CCDC169: variants seen among roughly 807,000 people sequenced by gnomAD.
CCDC169 encodes the protein coiled-coil domain-containing protein 169.
Under a neutral mutation model 36.0 loss-of-function variants are expected in CCDC169, and 30 were observed. That is an observed-to-expected ratio of 0.83 (90% CI 0.62 to 1.13). The LOEUF (loss-of-function observed/expected upper bound fraction) is 1.13. Ranked by LOEUF, CCDC169 falls within the 50% of genes most tolerant of loss-of-function variation. The probability of loss-of-function intolerance (pLI) is 0.00; values close to 1 mark genes in which losing one functional copy is unlikely to be tolerated. For missense variants in CCDC169, 245 were observed against 245.9 expected, an observed-to-expected ratio of 1.00 and a Z score of 0.03; for synonymous variants, 85 against 81.5, an observed-to-expected ratio of 1.04 and a Z score of -0.23.
intron 7 of CCDC169, among the ~76,000 whole-genome samples, chr13:36,245,488 C>CAG (rs34978164): frequency 0.4 from 61,345 of 151,564 alleles, 13,167 homozygotes; most frequent in Non-Finnish European, 0.48. Flanking sequence ...TTTGTAGAGA[C>CAG]AGTCTTGCCA....
intron 4 of CCDC169, among the ~76,000 whole-genome samples, chr13:36,269,270 T>G (rs1346052186): frequency 6.6e-6 from 1 of 152,238 alleles, no homozygotes; most frequent in East Asian, 1.9e-4. Context: ...TGAGATTGAA[T>G]CAGTAATTTA....
intron 2 of CCDC169, among the ~76,000 whole-genome samples, chr13:36,292,811 G>A (rs1040407851): frequency 1.3e-5 from 2 of 152,168 alleles, no homozygotes; most frequent in African/African-American, 4.8e-5. Flanking sequence ...AGTAGAGCAG[G>A]GAAAACAGAC....
At chr13:36,276,033 C>T (rs1258834115) in intron 4 of CCDC169, among the ~76,000 whole-genome samples, 1 of 152,156 alleles carries the variant, frequency 6.6e-6, no homozygotes, top group African/African-American at 2.4e-5. Context: ...TTTCTTCAGG[C>T]TTCTCTTGCT....
chr13:36,268,760 T>G (rs1259254100), intron 4 of CCDC169, among the ~76,000 whole-genome samples: 1 of 151,868 alleles, frequency 6.6e-6, no homozygotes, highest in East Asian at 1.9e-4. Flanking sequence ...CCAAATAAGC[T>G]CAATTAGAAA....
chr13:36,230,480 A>G (rs1453007736), downstream of CCDC169, among the ~76,000 whole-genome samples: 3 of 152,238 alleles, frequency 2.0e-5, no homozygotes, highest in Non-Finnish European at 4.4e-5. Flanking sequence ...GAATTAGTCC[A>G]TCACTATGAA....
downstream of CCDC169, among the ~76,000 whole-genome samples, chr13:36,230,461 T>A (rs75839052): frequency 6.3e-3 from 958 of 152,342 alleles, 5 homozygotes; most frequent in African/African-American, 0.022. Flanking sequence ...AATTGCAGTT[T>A]GGTCTAAAGA....
intron 4 of CCDC169, chr13:36,282,659 C>T: frequency 6.9e-6 from 3 of 432,792 alleles, no homozygotes; most frequent in Non-Finnish European, 9.2e-6. Context: ...ATATAATTCT[C>T]TGTCTCTGGA....
intron 2 of CCDC169, among the ~76,000 whole-genome samples, chr13:36,290,343 T>A (rs570907552): frequency 6.6e-6 from 1 of 152,374 alleles, no homozygotes; most frequent in East Asian, 1.9e-4. Context: ...AATGTTTAAA[T>A]TTAGTGCCTA....
chr13:36,297,788 C>T lies in CCDC169; in HGVS notation c.-69G>A, dbSNP rs1052333580. ...TAGAGCACAAGACATTAAGGGCCAC[C>T]CAGAAGCCAGTACGGCACGAGGCGG... On this transcript the variant is annotated 5_prime_UTR_variant, in exon 1 of 8. Transcript: ENST00000239859. 1.8e-5 allele frequency: 25 copies of T among 1,422,336 alleles called. No homozygotes were observed. In the African/African-American group the frequency reaches 3.5e-4, roughly 20 times the overall value. 88.1% of individuals were successfully genotyped at this position (1,422,336 alleles called of 1,614,324 possible). A position where few individuals can be genotyped will look rare whatever the true frequency, so the allele number is the denominator to read the frequency against.
At chr13:36,248,871 C>T (rs1181156120) in intron 6 of CCDC169, among the ~76,000 whole-genome samples, 189 bp from the exon 7 acceptor site, 1 of 150,518 alleles carries the variant, frequency 6.6e-6, no homozygotes, top group Non-Finnish European at 1.5e-5. Context: ...TCTGGAAATC[C>T]CCCTATCTCA....
intron 6 of CCDC169, among the ~76,000 whole-genome samples, chr13:36,249,503 G>A (rs555925561): frequency 8.5e-5 from 13 of 152,184 alleles, no homozygotes; most frequent in South Asian, 2.1e-4. Flanking sequence ...CATGATGGCG[G>A]GGTCACAAGA....
At chr13:36,257,539 C>T (rs996189612) in intron 4 of CCDC169, among the ~76,000 whole-genome samples, 1 of 152,114 alleles carries the variant, frequency 6.6e-6, no homozygotes, top group Non-Finnish European at 1.5e-5. Flanking sequence ...CCCGTCTGTA[C>T]TAAAAACACA....
chr13:36,256,956 A>C (rs1443442642), intron 4 of CCDC169, among the ~76,000 whole-genome samples: 1 of 152,186 alleles, frequency 6.6e-6, no homozygotes, highest in Admixed American at 6.5e-5. Flanking sequence ...CTGGGTAGGC[A>C]CTGTGTGGCA....
intron 7 of CCDC169, among the ~76,000 whole-genome samples, chr13:36,242,222 T>C (rs1594007147): frequency 6.6e-6 from 1 of 152,124 alleles, no homozygotes; most frequent in African/African-American, 2.4e-5. Context: ...ATACTCCTAC[T>C]AGCAATGTAT....
At chr13:36,267,619 CTG>C (rs986025154) in intron 4 of CCDC169, among the ~76,000 whole-genome samples, 13 of 152,130 alleles carry the variant, frequency 8.5e-5, no homozygotes, top group African/African-American at 3.1e-4. Flanking sequence ...AATATTAACA[CTG>C]AATGTAAATG....
At chr13:36,287,462 G>C (rs776636849) in intron 2 of CCDC169, among the ~76,000 whole-genome samples, 10 of 152,176 alleles carry the variant, frequency 6.6e-5, no homozygotes, top group Non-Finnish European at 1.3e-4. Flanking sequence ...GTAGGTCTGT[G>C]AGTTTGTAAT....
chr13:36,230,679 G>T, downstream of CCDC169: 1 of 771,572 alleles, frequency 1.3e-6, no homozygotes, highest in Non-Finnish European at 1.6e-6. Flanking sequence ...CTAAGTTCAT[G>T]GCAGAGTGGA....
At chr13:36,227,421 C>A, downstream of CCDC169, 3 of 1,467,572 alleles carry the variant, frequency 2.0e-6, no homozygotes, top group South Asian at 1.4e-5. Context: ...ATAAGGACAG[C>A]GAAGGTACAA....
chr13:36,286,903 AT>A (rs1223162082), intron 2 of CCDC169, among the ~76,000 whole-genome samples: 1 of 152,118 alleles, frequency 6.6e-6, no homozygotes, highest in African/African-American at 2.4e-5. Flanking sequence ...CTTCCTGCCC[AT>A]AAAACCTGAC....
Sources: gnomAD v4.1 joint callset for allele counts (sites outside exome capture counted in the v4.1 genomes callset) on GRCh38, gnomAD v4.1.1 for gene constraint, MANE v1.5 for transcripts, NCBI Gene and HGNC (gene_info 2026-07-23, HGNC 2026-07-21) for gene names.